RGP1: variants seen among roughly 807,000 people sequenced by gnomAD.
RGP1 encodes RAB6A-GEF complex partner protein 2.
In RGP1, 28 loss-of-function variants were observed where a neutral mutation model predicts 44.5. That is an observed-to-expected ratio of 0.63 (90% confidence interval 0.47 to 0.86). The LOEUF (loss-of-function observed/expected upper bound fraction) is 0.86, where lower values mean the gene tolerates loss of function less well. RGP1 is among the 40% of genes least tolerant of loss of function. The pLI is 0.00. For missense variants in RGP1, 417 were observed against 490.7 expected (o/e 0.85, Z 1.42); for synonymous variants, 212 against 196.7 (o/e 1.08, Z -0.65).
chr9:35,784,134 A>AT, the RGP1 span, among the ~76,000 whole-genome samples: 35 of 151,144 alleles, frequency 2.3e-4, no homozygotes, highest in South Asian at 4.2e-3. Context: ...ATTATTTGGG[A>AT]TTTTTTTTTG....
the RGP1 span, among the ~76,000 whole-genome samples, chr9:35,788,552 T>A: frequency 6.8e-6 from 1 of 146,002 alleles, no homozygotes; most frequent in East Asian, 2.0e-4. Context: ...AGTAACAGAG[T>A]GAGACTCTGT....
chr9:35,788,103 G>T, the RGP1 span, among the ~76,000 whole-genome samples: 10 of 152,204 alleles, frequency 6.6e-5, no homozygotes, highest in African/African-American at 2.2e-4. Context: ...ATTAGCATGA[G>T]CCCGAATCCC....
Position 35,749,496 on chromosome 9 carries a change from C to A in RGP1, c.-20+88C>A. 1 of 662,112 alleles carries A rather than the reference C, an allele frequency of 1.5e-6. No homozygotes were observed. Among genetic ancestry groups the A allele is most frequent in the Non-Finnish European group, 2.9e-6 (1 of 348,100 alleles). 41.0% of individuals were successfully genotyped at this position (662,112 alleles called of 1,614,324 possible). A position where few individuals can be genotyped will look rare whatever the true frequency, so the allele number is the denominator to read the frequency against. ...CAGTTTGGGAACTCCGCGGGGGTGC[C>A]CAGGGAGAAGAACCCGTCGCACAGG... On this transcript the variant is annotated intron_variant, in intron 1 of 8. Transcript: ENST00000378078. This position sits in a 1 kb window ranked among gnomAD's most constrained non-coding sequence, Gnocchi z 4.4.
the RGP1 span, among the ~76,000 whole-genome samples, chr9:35,765,707 T>A: frequency 9.7e-3 from 1,480 of 152,170 alleles, 14 homozygotes; most frequent in African/African-American, 0.034. Flanking sequence ...GATAAATTTT[T>A]AAAAAAGAGA....
chr9:35,779,838 G>A, the RGP1 span, among the ~76,000 whole-genome samples: 1 of 152,090 alleles, frequency 6.6e-6, no homozygotes. Context: ...GGGCACAAGT[G>A]ATCCTCCTGC....
chr9:35,765,389 G>A, the RGP1 span, among the ~76,000 whole-genome samples: 1 of 152,168 alleles, frequency 6.6e-6, no homozygotes, highest in African/African-American at 2.4e-5. Context: ...TGGTGCAGTG[G>A]CTCATGCCTG....
rs1377873333 is a variant in RGP1, at chr9:35,756,014, C to T, written c.*3140C>T. ...TCCTGCCAGGCTAACTTTAAGTCTC[C>T]TGCTTTTTCTCACTTGGATTTGGAT... On this transcript the variant is annotated 3_prime_UTR_variant, in exon 9 of 9. Transcript: ENST00000378078. 1.3e-5 allele frequency: 2 copies of T among 152,268 alleles called. No individual in the cohort carries two copies. Among genetic ancestry groups the T allele is most frequent in the Non-Finnish European group, 2.9e-5 (2 of 68,086 alleles). The allele number at this position is 152,268 out of a possible 1,614,324, so 9.4% of individuals were successfully genotyped here. A position where few individuals can be genotyped will look rare whatever the true frequency, so the allele number is the denominator to read the frequency against.
chr9:35,765,487 T>C, the RGP1 span, among the ~76,000 whole-genome samples: 1 of 151,998 alleles, frequency 6.6e-6, no homozygotes, highest in Non-Finnish European at 1.5e-5. Flanking sequence ...TGAAACCCCA[T>C]CTCTACAAAA....
the RGP1 span, among the ~76,000 whole-genome samples, chr9:35,765,656 CA>C: frequency 4.8e-3 from 531 of 110,102 alleles, 5 homozygotes; most frequent in Middle Eastern, 0.019. Flanking sequence ...GACCCTGTCT[CA>C]AAAAAAAAAA....
intron 7 of RGP1, 49 bp from the exon 8 acceptor site, chr9:35,751,907 A>C: frequency 2.6e-6 from 4 of 1,554,650 alleles, no homozygotes; most frequent in Non-Finnish European, 3.5e-6. Context: ...CTGTCCTCTC[A>C]CCTACAGACA....
rs891583651 is a variant in RGP1 at position 35,750,589 on chromosome 9, A to C, written c.254-69A>C. On this transcript the variant is annotated intron_variant, in intron 3 of 8. Transcript: ENST00000378078. ...GGCCTGGCAGCCTTTCACTATCTCC[A>C]CTTGCCGTGCTAGTCTTGTTCAGTA... The C allele has an allele frequency of 4.6e-6, 7 of 1,535,178 alleles. No homozygotes were observed. In the East Asian group the frequency reaches 1.6e-4, roughly 35 times the overall value.
chr9:35,787,120 A>T, the RGP1 span, among the ~76,000 whole-genome samples: 6 of 150,926 alleles, frequency 4.0e-5, no homozygotes, highest in South Asian at 1.0e-3. Context: ...TTTTTTTTTT[A>T]AATAATAAAT....
At chr9:35,758,643 G>A (rs1031819203), downstream of RGP1, 1 of 151,960 alleles carries the variant, frequency 6.6e-6, no homozygotes, top group Admixed American at 6.6e-5. Context: ...TGCTGTTTTA[G>A]CCCCAGCCCT....
downstream of RGP1, among the ~76,000 whole-genome samples, chr9:35,760,475 C>A (rs892206060): frequency 1.3e-5 from 2 of 152,190 alleles, no homozygotes; most frequent in South Asian, 2.1e-4. Context: ...ACAAAATATA[C>A]CCTCTACTCC....
the RGP1 span, among the ~76,000 whole-genome samples, chr9:35,769,393 C>T: frequency 6.7e-6 from 1 of 150,174 alleles, no homozygotes; most frequent in South Asian, 2.1e-4. Flanking sequence ...CTCATTCGCT[C>T]ATTCTTTTAT....
downstream of RGP1, among the ~76,000 whole-genome samples, chr9:35,763,329 A>T (rs1246184343): frequency 1.3e-5 from 2 of 152,184 alleles, no homozygotes; most frequent in Admixed American, 1.3e-4. Context: ...TGAGAGCCTA[A>T]ATCCATCCTA....
At chr9:35,772,143 A>G in the RGP1 span, 1 of 152,226 alleles carries the variant, frequency 6.6e-6, no homozygotes, top group Non-Finnish European at 1.5e-5. Flanking sequence ...CAGTGAAACA[A>G]GGTCATTTTC....
downstream of RGP1, among the ~76,000 whole-genome samples, chr9:35,761,351 G>A (rs1458709004): frequency 1.3e-5 from 2 of 152,196 alleles, no homozygotes; most frequent in Non-Finnish European, 2.9e-5. Context: ...CTAGTACACT[G>A]GAAGCAGCTA....
chr9:35,751,003 C>T lies in RGP1; in HGVS notation c.487+14C>T. On this transcript the variant is annotated intron_variant, in intron 5 of 8. Coordinates refer to ENST00000378078, the MANE Select transcript of RGP1 (RefSeq NM_001080496.3). Reference sequence around the variant, plus strand: ...TTGTGCTGACTGGTAAGCAAGGGCTCCTGGAGGGAAGGGCTGGGGAAGGGC... The same window carrying T: ...TTGTGCTGACTGGTAAGCAAGGGCTTCTGGAGGGAAGGGCTGGGGAAGGGC... 1 of 1,612,876 alleles carries T rather than the reference C, an allele frequency of 6.2e-7. No individual in the cohort carries two copies. Among genetic ancestry groups the T allele is most frequent in the Non-Finnish European group, 8.5e-7 (1 of 1,179,700 alleles).
Sources: allele counts gnomAD v4.1 joint callset (sites outside exome capture counted in the v4.1 genomes callset), GRCh38; gene constraint gnomAD v4.1.1; non-coding constraint Gnocchi (gnomAD v3.1); transcripts MANE v1.5; gene names NCBI Gene and HGNC (gene_info 2026-07-23, HGNC 2026-07-21).